Variants in PKHD1 observed in about 807,000 individuals in gnomAD.
PKHD1 encodes the protein PKHD1 ciliary IPT domain containing fibrocystin/polyductin, also known as fibrocystin.
Under a neutral mutation model 412.0 loss-of-function variants are expected in PKHD1, and 291 were observed. That is an observed-to-expected ratio of 0.71 (90% CI 0.64 to 0.78). PKHD1 has a LOEUF of 0.78. Among genes scored for constraint, PKHD1 ranks in the 30% least tolerant of loss-of-function variants. The pLI is 0.00. For missense variants in PKHD1, 4,825 were observed against 4,950.7 expected, an observed-to-expected ratio of 0.97 and a Z score of 0.76; for synonymous variants, 1,777 against 1,821.5, an observed-to-expected ratio of 0.98 and a Z score of 0.62.
rs150811516 is a variant in PKHD1, at chr6:51,675,447, T to C, written c.10157-15478A>G. On this transcript the variant is annotated intron_variant, in intron 60 of 66. Transcript: ENST00000371117. ...TTTTGTGGTCTGCAATTCTGATCATTTTTAAATGAAACCCATGCTGGCTTT... is the reference window on the plus strand; with the variant it reads ...TTTTGTGGTCTGCAATTCTGATCATCTTTAAATGAAACCCATGCTGGCTTT... Among the ~76,000 whole-genome samples, 520 of 152,326 alleles carry C rather than the reference T, an allele frequency of 3.4e-3. 9 individuals carry two copies. The highest frequency in any genetic ancestry group is 1.2e-3 in the East Asian group (6 of 5,184).
chr6:51,654,183 G>A (rs760714352), intron 61 of PKHD1, among the ~76,000 whole-genome samples: 39 of 152,158 alleles, frequency 2.6e-4, no homozygotes, highest in Middle Eastern at 3.4e-3. Context: ...ATCATAAGTC[G>A]AAACCTTGAC....
intron 60 of PKHD1, among the ~76,000 whole-genome samples, chr6:51,739,474 G>T (rs1784287723): frequency 6.6e-6 from 1 of 152,024 alleles, no homozygotes; most frequent in Non-Finnish European, 1.5e-5. Flanking sequence ...TGGGTGATCT[G>T]CCTGCCTCAG....
Position 52,025,488 on chromosome 6 carries a change from A to G in PKHD1, c.4322T>C (p.Ile1441Thr), listed in dbSNP as rs1562165643. ...CVILSLGDHT[I>T]LCQVSLEGDP... ...ACCCTCCAGGCTAACCTGGCAGAGAATGGTGTGGTCTCCCAAACTCAAAAT... is the reference window on the plus strand; with the variant it reads ...ACCCTCCAGGCTAACCTGGCAGAGAGTGGTGTGGTCTCCCAAACTCAAAAT... Residue 1441 changes from isoleucine (I) to threonine (T), a missense_variant, in exon 32 of 67, where the codon ATT (isoleucine) becomes ACT (threonine). Transcript: ENST00000371117. The G allele has an allele frequency of 6.2e-7, 1 of 1,612,826 alleles. No homozygotes were observed. The highest frequency in any genetic ancestry group is 1.3e-5 in the African/African-American group (1 of 74,854).
chr6:52,044,721 T>A (rs1178586106), intron 25 of PKHD1, among the ~76,000 whole-genome samples: 1 of 152,228 alleles, frequency 6.6e-6, no homozygotes, highest in Non-Finnish European at 1.5e-5. Flanking sequence ...AATTATCAAT[T>A]TTTTGTACCA....
chr6:51,825,366 C>A (rs1767130600), intron 52 of PKHD1, among the ~76,000 whole-genome samples: 1 of 152,158 alleles, frequency 6.6e-6, no homozygotes, highest in Non-Finnish European at 1.5e-5. Context: ...GTGGCTTCCA[C>A]ACAGGTCTCT....
At chr6:51,640,887 G>A (rs1433097089) in intron 63 of PKHD1, among the ~76,000 whole-genome samples, 1 of 152,174 alleles carries the variant, frequency 6.6e-6, no homozygotes, top group Non-Finnish European at 1.5e-5. Context: ...ATAATAGGTT[G>A]TAACTGCCTT....
chr6:51,941,974 C>T (rs967598885), intron 36 of PKHD1, among the ~76,000 whole-genome samples: 2 of 151,512 alleles, frequency 1.3e-5, no homozygotes, highest in Non-Finnish European at 3.0e-5. Context: ...TTTTCCCTGC[C>T]GATCGTGTCC....
intron 51 of PKHD1, among the ~76,000 whole-genome samples, chr6:51,834,249 G>A (rs1768783889): frequency 6.6e-6 from 1 of 152,146 alleles, no homozygotes; most frequent in Non-Finnish European, 1.5e-5. Flanking sequence ...CGCTGATGGG[G>A]GAAAGTGTGG....
chr6:52,016,650 A>AG (rs1481298058), intron 34 of PKHD1, among the ~76,000 whole-genome samples: 1 of 150,656 alleles, frequency 6.6e-6, no homozygotes, highest in Non-Finnish European at 1.5e-5. Flanking sequence ...AAAAAAAAAA[A>AG]AAAAGAAAAG....
At chr6:51,660,826 C>T (rs1248349488) in intron 60 of PKHD1, among the ~76,000 whole-genome samples, 1 of 152,118 alleles carries the variant, frequency 6.6e-6, no homozygotes, top group Non-Finnish European at 1.5e-5. Context: ...CCTGTCCTTT[C>T]AGCCTTTCAT....
chr6:51,801,110 C>T (rs2151322429), intron 52 of PKHD1, among the ~76,000 whole-genome samples: 1 of 152,242 alleles, frequency 6.6e-6, no homozygotes, highest in African/African-American at 2.4e-5. Context: ...TTTAAATATA[C>T]ATTTTACACA....
chr6:51,918,213 T>C (rs991849657), intron 37 of PKHD1, among the ~76,000 whole-genome samples: 2 of 151,998 alleles, frequency 1.3e-5, no homozygotes, highest in Non-Finnish European at 2.9e-5. Context: ...TTTTTATATA[T>C]TTATTTTTAA....
At chr6:52,082,926 A>G (rs1408276302) in intron 3 of PKHD1, among the ~76,000 whole-genome samples, 1 of 152,194 alleles carries the variant, frequency 6.6e-6, no homozygotes, top group Non-Finnish European at 1.5e-5. Flanking sequence ...CATCTCATGT[A>G]GAAATCCCAG....
chr6:51,989,138 T>G (rs1428655969), intron 35 of PKHD1, among the ~76,000 whole-genome samples: 2 of 152,222 alleles, frequency 1.3e-5, no homozygotes, highest in East Asian at 3.8e-4. Context: ...CCAGGGCCTT[T>G]GCCCTGGTAC....
intron 52 of PKHD1, among the ~76,000 whole-genome samples, chr6:51,829,371 AC>A (rs1767866265): frequency 6.6e-6 from 1 of 151,944 alleles, no homozygotes; most frequent in African/African-American, 2.4e-5. Flanking sequence ...CGGCATAAAA[AC>A]CCCAAAGGAT....
chr6:51,927,531 C>T (rs1281191206), intron 37 of PKHD1, among the ~76,000 whole-genome samples: 4 of 152,130 alleles, frequency 2.6e-5, no homozygotes, highest in Non-Finnish European at 5.9e-5. Flanking sequence ...GGTGAGCTAA[C>T]CCTGGCCTTT....
intron 35 of PKHD1, among the ~76,000 whole-genome samples, chr6:51,977,592 C>T (rs1794625441): frequency 6.6e-6 from 1 of 152,206 alleles, no homozygotes; most frequent in African/African-American, 2.4e-5. Context: ...TTCCACCAGG[C>T]TTTGCACATA....
intron 52 of PKHD1, among the ~76,000 whole-genome samples, chr6:51,798,543 T>C (rs4715240): frequency 0.59 from 89,773 of 151,906 alleles, 27,196 homozygotes; most frequent in East Asian, 0.83. Flanking sequence ...CTTTCTCTGG[T>C]TGCCTTTAAC....
intron 63 of PKHD1, among the ~76,000 whole-genome samples, chr6:51,647,077 TG>T (rs1449220822): frequency 3.3e-5 from 5 of 152,344 alleles, no homozygotes; most frequent in Non-Finnish European, 7.3e-5. Flanking sequence ...CCCTTAGTTA[TG>T]AGGCTCCTTT....
Sources: gnomAD v4.1 joint callset for allele counts (sites outside exome capture counted in the v4.1 genomes callset) on GRCh38, gnomAD v4.1.1 for gene constraint, MANE v1.5 for transcripts, NCBI Gene and HGNC (gene_info 2026-07-23, HGNC 2026-07-21) for gene names.